Variants in ERC2 observed in about 807,000 individuals in gnomAD.
The protein encoded by ERC2 is ERC protein 2.
ERC2 carries 42 observed loss-of-function variants against 114.8 expected under a neutral mutation model. The ratio of observed to expected loss-of-function variants is 0.37; its 90% confidence interval spans 0.29 to 0.47. The LOEUF is 0.47. Among genes scored for constraint, ERC2 ranks in the 20% least tolerant of loss-of-function variants. The pLI is 0.99. For synonymous variants in ERC2, 454 were observed against 425.5 expected, an observed-to-expected ratio of 1.07 and a Z score of -0.82; for missense variants, 939 against 1,150.7, an observed-to-expected ratio of 0.82 and a Z score of 2.66.
chr3:56,008,689 A>G (rs2072687991), intron 9 of ERC2, among the ~76,000 whole-genome samples: 1 of 152,196 alleles, frequency 6.6e-6, no homozygotes, highest in African/African-American at 2.4e-5. Context: ...GGCATTTTGT[A>G]GACATGACTA....
intron 2 of ERC2, among the ~76,000 whole-genome samples, chr3:56,401,939 A>T (rs188004750): frequency 2.2e-4 from 33 of 152,346 alleles, no homozygotes; most frequent in African/African-American, 7.2e-4. Flanking sequence ...GAAGCCTCAC[A>T]ATCATGGCAG....
intron 3 of ERC2, among the ~76,000 whole-genome samples, chr3:56,270,727 C>T (rs1266714655): frequency 6.6e-6 from 1 of 152,210 alleles, no homozygotes; most frequent in Non-Finnish European, 1.5e-5. Context: ...TGCCTGTAAT[C>T]CCAGCACTTT....
At chr3:56,213,002 T>C (rs2049175068) in intron 3 of ERC2, among the ~76,000 whole-genome samples, 1 of 152,114 alleles carries the variant, frequency 6.6e-6, no homozygotes, top group Non-Finnish European at 1.5e-5. Flanking sequence ...CATAAGAATA[T>C]ACAATAGACT....
chr3:55,661,183 G>T (rs1386761274), intron 17 of ERC2, among the ~76,000 whole-genome samples: 1 of 152,216 alleles, frequency 6.6e-6, no homozygotes, highest in Non-Finnish European at 1.5e-5. Flanking sequence ...CCGTAGGTCA[G>T]AATTTTGGCA....
chr3:55,550,949 G>A (rs1278917604), intron 17 of ERC2, among the ~76,000 whole-genome samples: 1 of 149,792 alleles, frequency 6.7e-6, no homozygotes, highest in Non-Finnish European at 1.5e-5. Flanking sequence ...CTGGGAGGCA[G>A]ATCTTGTAGT....
chr3:56,009,459 G>C (rs2072748585), intron 9 of ERC2, among the ~76,000 whole-genome samples: 1 of 152,106 alleles, frequency 6.6e-6, no homozygotes, highest in Non-Finnish European at 1.5e-5. Context: ...TCTTCATCTA[G>C]ATTCCTAATT....
chr3:55,992,754 T>C (rs777289499), intron 10 of ERC2, among the ~76,000 whole-genome samples: 2 of 152,178 alleles, frequency 1.3e-5, no homozygotes, highest in Non-Finnish European at 2.9e-5. Flanking sequence ...TAATTGAACA[T>C]GTCATTCCAC....
At chr3:55,918,956 C>T (rs908884645) in intron 13 of ERC2, among the ~76,000 whole-genome samples, 5 of 152,028 alleles carry the variant, frequency 3.3e-5, no homozygotes, top group Non-Finnish European at 7.4e-5. Context: ...TTCAAATACA[C>T]ACTAAAGATA....
chr3:56,430,018 A>T (rs2061726301), intron 2 of ERC2, among the ~76,000 whole-genome samples: 1 of 152,222 alleles, frequency 6.6e-6, no homozygotes, highest in Admixed American at 6.5e-5. Context: ...AGTTAGCATT[A>T]TATTTATAAA....
At chr3:56,362,243 A>C (rs1309729723) in intron 2 of ERC2, among the ~76,000 whole-genome samples, 1 of 152,206 alleles carries the variant, frequency 6.6e-6, no homozygotes, top group African/African-American at 2.4e-5. Context: ...GAGGAATTTT[A>C]AGTGTTAGAG....
At chr3:56,140,939 A>T (rs1194731182) in intron 5 of ERC2, among the ~76,000 whole-genome samples, 1 of 152,056 alleles carries the variant, frequency 6.6e-6, no homozygotes, top group Non-Finnish European at 1.5e-5. Flanking sequence ...CAGGAGAATC[A>T]CTTGAACCTG....
chr3:55,966,321 A>G (rs1576388738), intron 12 of ERC2, among the ~76,000 whole-genome samples: 1 of 152,120 alleles, frequency 6.6e-6, no homozygotes, highest in Admixed American at 6.5e-5. Flanking sequence ...ACAGTTTTTC[A>G]TGCCCTTTCT....
At chr3:56,461,003 T>A (rs2063293972) in intron 1 of ERC2, among the ~76,000 whole-genome samples, 1 of 151,530 alleles carries the variant, frequency 6.6e-6, no homozygotes, top group Non-Finnish European at 1.5e-5. Flanking sequence ...TAAAGGCTTT[T>A]TTTTTTTTTT....
At chr3:56,298,634 T>C (rs763458272) in intron 2 of ERC2, among the ~76,000 whole-genome samples, 30 of 151,116 alleles carry the variant, frequency 2.0e-4, no homozygotes, top group Non-Finnish European at 3.1e-4. Context: ...TATTGTATGA[T>C]TCCACTAATA....
Position 56,019,049 on chromosome 3 carries a change from T to A in ERC2, c.1642-18A>T. 6.3e-7 allele frequency: 1 copy of A among 1,581,252 alleles called. No homozygotes were observed. The highest frequency in any genetic ancestry group is 8.6e-7 in the Non-Finnish European group (1 of 1,160,956). ...TTTTCAATCTAAAAATAAAAATCAA[T>A]ATTTTAATGCATATTTGATTACATA... On this transcript the variant is annotated intron_variant, in intron 7 of 17. Transcript: ENST00000288221.
chr3:55,748,305 A>G (rs2066436990), intron 14 of ERC2, among the ~76,000 whole-genome samples: 1 of 152,244 alleles, frequency 6.6e-6, no homozygotes, highest in Non-Finnish European at 1.5e-5. Flanking sequence ...TAAACCATCC[A>G]GGTGGTCAGA....
chr3:55,863,977 C>A (rs144150066), intron 14 of ERC2, among the ~76,000 whole-genome samples: 175 of 151,318 alleles, frequency 1.2e-3, no homozygotes, highest in Admixed American at 9.8e-3. Context: ...CACACACACA[C>A]ACACTCAGAG....
chr3:55,565,509 C>T (rs1377985181), intron 17 of ERC2, among the ~76,000 whole-genome samples: 1 of 152,056 alleles, frequency 6.6e-6, no homozygotes, highest in East Asian at 1.9e-4. Context: ...CACGTTCCAC[C>T]TCTGCATTTC....
chr3:56,339,310 G>C (rs534496356), intron 2 of ERC2, among the ~76,000 whole-genome samples: 13 of 152,238 alleles, frequency 8.5e-5, no homozygotes, highest in Admixed American at 7.2e-4. Context: ...TTTCTGAGGA[G>C]GTGAACTATG....
Sources: allele counts gnomAD v4.1 joint callset (sites outside exome capture counted in the v4.1 genomes callset), GRCh38; gene constraint gnomAD v4.1.1; transcripts MANE v1.5; gene names NCBI Gene and HGNC (gene_info 2026-07-23, HGNC 2026-07-21).